Variants in NRG2 observed in about 807,000 individuals in gnomAD.
The protein encoded by NRG2 is pro-neuregulin-2, membrane-bound isoform.
A neutral mutation model predicts 73.9 loss-of-function variants in NRG2; 27 were observed. The observed-to-expected ratio is 0.37, with a 90% CI of 0.27 to 0.50. The LOEUF is 0.50. Among genes scored for constraint, NRG2 ranks in the 20% least tolerant of loss-of-function variants. The pLI is 0.96. For synonymous variants in NRG2, 532 were observed against 541.0 expected, an observed-to-expected ratio of 0.98 and a Z score of 0.23; for missense variants, 1,126 against 1,210.1, an observed-to-expected ratio of 0.93 and a Z score of 1.03.
intron 1 of NRG2, among the ~76,000 whole-genome samples, chr5:139,939,248 C>CCTTCCTTCCTTCCTTCT (rs1561694694): frequency 3.6e-5 from 5 of 137,650 alleles, no homozygotes; most frequent in African/African-American, 1.5e-4. Context: ...TCCTTCCTTT[C>CCTTCCTTCCTTCCTTCT]TTTCTTTCTT....
chr5:139,980,097 A>T (rs1756676796), intron 1 of NRG2, among the ~76,000 whole-genome samples: 1 of 152,120 alleles, frequency 6.6e-6, no homozygotes, highest in Non-Finnish European at 1.5e-5. Flanking sequence ...TCTGCTTATC[A>T]CTGCCTCTTT....
At chr5:139,923,679 G>C (rs1002502954) in intron 1 of NRG2, among the ~76,000 whole-genome samples, 1 of 152,148 alleles carries the variant, frequency 6.6e-6, no homozygotes, top group Non-Finnish European at 1.5e-5. Flanking sequence ...GTTAACTTGA[G>C]AAATAGCCCT....
At chr5:139,862,781 T>G (rs2127040667) in intron 5 of NRG2, among the ~76,000 whole-genome samples, 1 of 152,388 alleles carries the variant, frequency 6.6e-6, no homozygotes, top group East Asian at 1.9e-4. Flanking sequence ...CTCATGCGTT[T>G]GTGCTTGTGT....
chr5:139,848,906 C>T (rs1024252086), intron 9 of NRG2, among the ~76,000 whole-genome samples: 2 of 152,154 alleles, frequency 1.3e-5, no homozygotes, highest in Admixed American at 1.3e-4. Context: ...ATCTGTTACG[C>T]GGGCATAACC....
intron 1 of NRG2, among the ~76,000 whole-genome samples, chr5:140,026,252 G>T (rs1379433259): frequency 6.6e-6 from 1 of 152,240 alleles, no homozygotes; most frequent in African/African-American, 2.4e-5. Flanking sequence ...GGAAGGTCTT[G>T]CATGCCCTGT....
At chr5:140,003,227 T>C (rs1758631894) in intron 1 of NRG2, among the ~76,000 whole-genome samples, 1 of 152,162 alleles carries the variant, frequency 6.6e-6, no homozygotes, top group Non-Finnish European at 1.5e-5. Context: ...AAACAAGATG[T>C]AATTATACAG....
chr5:139,949,097 A>C (rs1421067806), intron 1 of NRG2, among the ~76,000 whole-genome samples: 8 of 152,194 alleles, frequency 5.3e-5, no homozygotes, highest in African/African-American at 1.9e-4. Context: ...GAAACTGATA[A>C]GACTAATTTG....
At chr5:139,980,249 CT>C (rs1756691244) in intron 1 of NRG2, among the ~76,000 whole-genome samples, 1 of 151,930 alleles carries the variant, frequency 6.6e-6, no homozygotes, top group Non-Finnish European at 1.5e-5. Context: ...TCTCCTGACT[CT>C]TGAAAACGGA....
intron 2 of NRG2, among the ~76,000 whole-genome samples, chr5:139,886,780 A>G (rs946261365): frequency 6.6e-6 from 1 of 152,202 alleles, no homozygotes; most frequent in Admixed American, 6.5e-5. Flanking sequence ...TCCCTGGAGC[A>G]CTGATTCAGG....
At chr5:139,877,428 C>A (rs946714633) in intron 3 of NRG2, among the ~76,000 whole-genome samples, 1 of 152,262 alleles carries the variant, frequency 6.6e-6, no homozygotes, top group African/African-American at 2.4e-5. Flanking sequence ...TCCCTGTAGC[C>A]CTGGTTTCCC....
At chr5:140,034,872 AATACTACTTAC>A (rs1161755506) in intron 1 of NRG2, among the ~76,000 whole-genome samples, 1 of 152,196 alleles carries the variant, frequency 6.6e-6, no homozygotes, top group Non-Finnish European at 1.5e-5. Context: ...TAAGCCTTCA[AATACTACTTAC>A]ATAATTAAGA....
At chr5:140,018,491 G>A (rs1245402230) in intron 1 of NRG2, among the ~76,000 whole-genome samples, 2 of 152,174 alleles carry the variant, frequency 1.3e-5, no homozygotes, top group Admixed American at 1.3e-4. Flanking sequence ...GTAGTCCATA[G>A]TGAAATGCCA....
At chr5:139,993,920 C>G (rs1304697733) in intron 1 of NRG2, among the ~76,000 whole-genome samples, 1 of 152,170 alleles carries the variant, frequency 6.6e-6, no homozygotes, top group African/African-American at 2.4e-5. Context: ...GCAGTCATCA[C>G]TATTACTGGT....
rs762297999 is a variant in NRG2 at position 140,042,429 on chromosome 5, A to AG, written c.640dup (p.Leu214ProfsTer19). 1.2e-6 allele frequency: 2 copies of AG among 1,608,786 alleles called. No individual in the cohort carries two copies. Among genetic ancestry groups the AG allele is most frequent in the Non-Finnish European group, 8.5e-7 (1 of 1,177,734 alleles). ...CTTGAGATTTTTGCCGTTGGTATCG[A>AG]GGGGGGCAAAGGCCGTCTTAAAGAC... On this transcript the variant is annotated frameshift_variant, in exon 1 of 10. Coordinates refer to ENST00000361474, the MANE Select transcript of NRG2 (RefSeq NM_004883.3). LOFTEE classifies it high-confidence loss of function.
intron 1 of NRG2, among the ~76,000 whole-genome samples, chr5:140,001,263 G>T (rs1023970494): frequency 1.3e-5 from 2 of 152,260 alleles, no homozygotes; most frequent in Admixed American, 1.3e-4. Flanking sequence ...TGGCATATTT[G>T]TTTGTCCCTA....
intron 1 of NRG2, among the ~76,000 whole-genome samples, chr5:139,937,087 C>A (rs1003695522): frequency 5.3e-5 from 8 of 152,224 alleles, no homozygotes; most frequent in African/African-American, 1.7e-4. Context: ...CAGGCGTGAG[C>A]CACCGTGCCT....
chr5:140,024,379 A>C (rs996973648), intron 1 of NRG2, among the ~76,000 whole-genome samples: 5 of 151,422 alleles, frequency 3.3e-5, no homozygotes, highest in East Asian at 1.9e-4. Flanking sequence ...CTCAGCCTCC[A>C]GAGTAGCTGG....
At chr5:139,891,146 C>T (rs1455478385) in intron 1 of NRG2, among the ~76,000 whole-genome samples, 1 of 152,208 alleles carries the variant, frequency 6.6e-6, no homozygotes, top group African/African-American at 2.4e-5. Context: ...GCGGTGGCCG[C>T]TGGTGGGAGG....
chr5:139,910,679 G>A (rs890709287), intron 1 of NRG2, among the ~76,000 whole-genome samples: 9 of 152,148 alleles, frequency 5.9e-5, no homozygotes, highest in Non-Finnish European at 1.2e-4. Context: ...ACCTTGCCAT[G>A]CCCTTTTGAC....
Sources: allele counts gnomAD v4.1 joint callset (sites outside exome capture counted in the v4.1 genomes callset), GRCh38; gene constraint gnomAD v4.1.1; transcripts MANE v1.5; gene names NCBI Gene and HGNC (gene_info 2026-07-23, HGNC 2026-07-21).